CNTNAP2: variants seen among roughly 807,000 people sequenced by gnomAD.
The protein encoded by CNTNAP2 is contactin associated protein 2, also known as contactin-associated protein-like 2.
A neutral mutation model predicts 155.2 loss-of-function variants in CNTNAP2; 98 were observed. That is an observed-to-expected ratio of 0.63 (90% CI 0.54 to 0.75). The LOEUF is 0.75. Among genes scored for constraint, CNTNAP2 ranks in the 30% least tolerant of loss-of-function variants. CNTNAP2 has a pLI of 0.00. For missense variants in CNTNAP2, 1,727 were observed against 1,688.1 expected (o/e 1.02, Z -0.40); for synonymous variants, 651 against 631.2 (o/e 1.03, Z -0.47).
intron 15 of CNTNAP2, among the ~76,000 whole-genome samples, chr7:148,064,290 T>C (rs1283009766): frequency 2.6e-5 from 4 of 152,110 alleles, no homozygotes; most frequent in Admixed American, 6.6e-5. Flanking sequence ...TTGATGGGAA[T>C]TGCATTGAAT....
chr7:148,078,975 G>A (rs1311097340), intron 15 of CNTNAP2, among the ~76,000 whole-genome samples: 1 of 152,160 alleles, frequency 6.6e-6, no homozygotes, highest in East Asian at 1.9e-4. Flanking sequence ...AGGAAGAAAT[G>A]GGCACATTTT....
intron 19 of CNTNAP2, among the ~76,000 whole-genome samples, chr7:148,226,556 C>T (rs566969636): frequency 1.8e-3 from 267 of 152,256 alleles, no homozygotes; most frequent in African/African-American, 6.1e-3. Context: ...GCAAGCGGGC[C>T]CAAGCATGCA....
At chr7:147,461,062 TAA>T (rs1371714104) in intron 10 of CNTNAP2, among the ~76,000 whole-genome samples, 1 of 152,170 alleles carries the variant, frequency 6.6e-6, no homozygotes, top group African/African-American at 2.4e-5. Context: ...AGGAAAATGT[TAA>T]AGACTCTCAA....
chr7:146,767,916 A>G (rs62481398), intron 1 of CNTNAP2, among the ~76,000 whole-genome samples: 7,711 of 152,152 alleles, frequency 0.051, 281 homozygotes, highest in Middle Eastern at 0.082. Context: ...AAATATTTTG[A>G]CTCTAAGGAG....
At chr7:147,134,028 A>C (rs1395517047) in intron 8 of CNTNAP2, among the ~76,000 whole-genome samples, 5 of 152,020 alleles carry the variant, frequency 3.3e-5, no homozygotes, top group African/African-American at 1.2e-4. Flanking sequence ...TGTTTGCCAC[A>C]GTTGAAAAAC....
intron 3 of CNTNAP2, among the ~76,000 whole-genome samples, chr7:146,858,001 A>C (rs1038040324): frequency 6.6e-6 from 1 of 152,210 alleles, no homozygotes; most frequent in African/African-American, 2.4e-5. Flanking sequence ...TATCAGAATA[A>C]GTTTGAAAGT....
intron 1 of CNTNAP2, among the ~76,000 whole-genome samples, chr7:146,437,390 AAC>A (rs1796259255): frequency 6.6e-6 from 1 of 151,546 alleles, no homozygotes; most frequent in African/African-American, 2.4e-5. Flanking sequence ...ACACTATTAT[AAC>A]ACAGAATAAA....
chr7:147,212,864 G>T (rs2092275610), intron 8 of CNTNAP2, among the ~76,000 whole-genome samples: 1 of 152,110 alleles, frequency 6.6e-6, no homozygotes, highest in Non-Finnish European at 1.5e-5. Context: ...TGAACACTAA[G>T]AGTTAACTTA....
chr7:146,605,967 A>G (rs1799040153), intron 1 of CNTNAP2, among the ~76,000 whole-genome samples: 2 of 152,162 alleles, frequency 1.3e-5, no homozygotes, highest in Admixed American at 6.5e-5. Flanking sequence ...GTAAAACATA[A>G]TCTATAAGGC....
Position 147,552,487 on chromosome 7 carries a change from A to T in CNTNAP2, c.1778-9651A>T, listed in dbSNP as rs939898259. ...TAGAATTAACACTTTTTAATTTAAA[A>T]ATCTGATTTTTCATTTAACTGTGAT... On this transcript the variant is annotated intron_variant, in intron 11 of 23. Coordinates refer to ENST00000361727, the MANE Select transcript of CNTNAP2 (RefSeq NM_014141.6). Among the ~76,000 whole-genome samples the T allele has an allele frequency of 3.3e-5, 5 of 152,018 alleles. No individual in the cohort carries two copies. The East Asian group carries it at 9.6e-4, about 29-fold the overall frequency.
intron 10 of CNTNAP2, among the ~76,000 whole-genome samples, chr7:147,453,138 G>A (rs1797861762): frequency 6.6e-6 from 1 of 152,136 alleles, no homozygotes; most frequent in Non-Finnish European, 1.5e-5. Context: ...GGCAAAGCCT[G>A]CTCCTCAGCC....
At chr7:146,590,458 A>G (rs1183018758) in intron 1 of CNTNAP2, among the ~76,000 whole-genome samples, 1 of 152,132 alleles carries the variant, frequency 6.6e-6, no homozygotes, top group African/African-American at 2.4e-5. Flanking sequence ...TATCAAAGTC[A>G]ATAGAATATG....
At chr7:147,424,698 C>T (rs767717254) in intron 10 of CNTNAP2, among the ~76,000 whole-genome samples, 2 of 152,160 alleles carry the variant, frequency 1.3e-5, no homozygotes, top group Non-Finnish European at 2.9e-5. Context: ...ACTGCCTGCT[C>T]CCAGTCAGCA....
rs1800718951 is a variant in CNTNAP2 at position 147,941,374 on chromosome 7, TACTA to T, written c.2256-36487_2256-36484del. 3.3e-5 allele frequency among the ~76,000 whole-genome samples: 5 copies of T among 152,300 alleles called. No individual in the cohort carries two copies. In the South Asian group the frequency reaches 1.0e-3, roughly 32 times the overall value. ...GCTCGACATTATAGAATCTGCCTCA[TACTA>T]GGATTCCCAGTAGCTTTTCTGGAAA... On this transcript the variant is annotated intron_variant, in intron 14 of 23. Coordinates refer to ENST00000361727, the MANE Select transcript of CNTNAP2 (RefSeq NM_014141.6).
chr7:146,433,462 G>A lies in CNTNAP2; in HGVS notation c.97+316489G>A, dbSNP rs573686494. On this transcript the variant is annotated intron_variant, in intron 1 of 23. Transcript: ENST00000361727. ...GAATTTCCAAAATGGGGTTGTGATT[G>A]AAAATACACATTGACAAAGGCTTCT... 5.3e-5 allele frequency among the ~76,000 whole-genome samples: 8 copies of A among 152,184 alleles called. No individual in the cohort carries two copies. In the East Asian group the frequency reaches 1.5e-3, roughly 29 times the overall value.
chr7:147,125,932 A>G (rs1487671121), intron 6 of CNTNAP2, among the ~76,000 whole-genome samples: 1 of 152,188 alleles, frequency 6.6e-6, no homozygotes, highest in Non-Finnish European at 1.5e-5. Context: ...TCAAGATCAC[A>G]GTCCTTTTTA....
At chr7:148,106,864 C>T (rs1279128902) in intron 15 of CNTNAP2, among the ~76,000 whole-genome samples, 1 of 152,138 alleles carries the variant, frequency 6.6e-6, no homozygotes, top group Non-Finnish European at 1.5e-5. Flanking sequence ...ACCTTTAGGG[C>T]TTACCCAGGA....
chr7:147,268,965 A>C (rs1212075821), intron 8 of CNTNAP2, among the ~76,000 whole-genome samples: 4 of 152,122 alleles, frequency 2.6e-5, no homozygotes, highest in African/African-American at 7.2e-5. Context: ...TAATGAAAAA[A>C]CCCATAACAA....
At chr7:147,934,748 C>T (rs1336972232) in intron 14 of CNTNAP2, among the ~76,000 whole-genome samples, 2 of 152,148 alleles carry the variant, frequency 1.3e-5, no homozygotes, top group African/African-American at 4.8e-5. Context: ...GTCTCAGAGA[C>T]TTTAAATGAA....
Sources: allele counts gnomAD v4.1 joint callset (sites outside exome capture counted in the v4.1 genomes callset), GRCh38; gene constraint gnomAD v4.1.1; transcripts MANE v1.5; gene names NCBI Gene and HGNC (gene_info 2026-07-23, HGNC 2026-07-21).